The following RANBP2 variants were observed in gnomAD, a reference collection of about 807,000 sequenced individuals.
The protein encoded by RANBP2 is E3 SUMO-protein ligase RanBP2.
A neutral mutation model predicts 303.6 loss-of-function variants in RANBP2; 57 were observed. That is an observed-to-expected ratio of 0.19 (90% confidence interval 0.15 to 0.23). RANBP2 has a LOEUF of 0.23. Ranked by LOEUF, RANBP2 falls within the 10% of genes least tolerant of loss-of-function variation. The pLI, the probability that RANBP2 is intolerant of heterozygous loss-of-function variation, is 1.00. For missense variants in RANBP2, 3,138 were observed against 3,780.8 expected (o/e 0.83, Z 4.46); for synonymous variants, 1,167 against 1,301.5 (o/e 0.90, Z 2.23).
the RANBP2 span, among the ~76,000 whole-genome samples, chr2:108,836,779 C>G: frequency 3.9e-5 from 6 of 151,982 alleles, no homozygotes; most frequent in African/African-American, 1.5e-4. Flanking sequence ...TTTTTACCTC[C>G]TTGCTTAGAT....
the RANBP2 span, among the ~76,000 whole-genome samples, chr2:109,109,387 T>TA: frequency 3.0e-3 from 450 of 152,342 alleles, 2 homozygotes; most frequent in African/African-American, 0.01. Context: ...GAGACTCAGA[T>TA]ACAGTGGGAG....
At chr2:109,046,068 GC>G in the RANBP2 span, among the ~76,000 whole-genome samples, 2 of 152,196 alleles carry the variant, frequency 1.3e-5, no homozygotes, top group East Asian at 3.9e-4. Context: ...ACTTTGGGAG[GC>G]CGAGGTGGGC....
At chr2:109,609,436 T>C in the RANBP2 span, among the ~76,000 whole-genome samples, 1 of 151,738 alleles carries the variant, frequency 6.6e-6, no homozygotes, top group African/African-American at 2.4e-5. Context: ...TACAAAAACA[T>C]AAATTAGGAG....
chr2:109,312,968 A>T, the RANBP2 span, among the ~76,000 whole-genome samples: 524 of 152,258 alleles, frequency 3.4e-3, 6 homozygotes, highest in African/African-American at 0.012. Flanking sequence ...CAGCCCTTGG[A>T]TTTCACTTTT....
chr2:109,652,427 G>A, the RANBP2 span, among the ~76,000 whole-genome samples: 2,740 of 152,182 alleles, frequency 0.018, 65 homozygotes, highest in South Asian at 0.11. Context: ...GGGTTTCACT[G>A]TGTTAGCCAG....
chr2:108,858,933 A>G, the RANBP2 span, among the ~76,000 whole-genome samples: 1 of 152,164 alleles, frequency 6.6e-6, no homozygotes, highest in Non-Finnish European at 1.5e-5. Flanking sequence ...ATGGGCACCT[A>G]GGTTGATTCC....
chr2:108,784,045 CT>C lies in RANBP2; in HGVS notation c.*149del. 1 of 761,938 alleles carries C rather than the reference CT, an allele frequency of 1.3e-6. No homozygotes were observed. 47.2% of individuals were successfully genotyped at this position (761,938 alleles called of 1,614,324 possible). On this transcript the variant is annotated 3_prime_UTR_variant, in exon 29 of 29. Coordinates refer to ENST00000283195, the MANE Select transcript of RANBP2 (RefSeq NM_006267.5). Reference sequence around the variant, plus strand: ...AAATTGCAGCTTATAGCTGTTGTCACTTTTTAATGTGTTATAATTGACCTTG... The same window carrying C: ...AAATTGCAGCTTATAGCTGTTGTCACTTTTAATGTGTTATAATTGACCTTG...
the RANBP2 span, among the ~76,000 whole-genome samples, chr2:108,937,286 GCCCCTCAAAGGGGTGGGCTGTGTC>G: frequency 6.6e-6 from 1 of 152,232 alleles, no homozygotes; most frequent in African/African-American, 2.4e-5. Context: ...ACCTTTGGCA[GCCCCTCAAAGGGGTGGGCTGTGTC>G]CCTGCATTCT....
chr2:109,325,827 G>A, the RANBP2 span, among the ~76,000 whole-genome samples: 106 of 152,310 alleles, frequency 7.0e-4, 1 homozygote, highest in African/African-American at 2.4e-3. Context: ...ATGCTGGCCC[G>A]AGCAGGGACC....
At chr2:109,431,320 C>A in the RANBP2 span, among the ~76,000 whole-genome samples, 4 of 152,224 alleles carry the variant, frequency 2.6e-5, no homozygotes, top group African/African-American at 4.8e-5. Flanking sequence ...TCTTAGTGAA[C>A]TGAGGCCTCC....
At chr2:109,256,847 G>A in the RANBP2 span, among the ~76,000 whole-genome samples, 2,853 of 152,256 alleles carry the variant, frequency 0.019, 96 homozygotes, top group African/African-American at 0.065. Flanking sequence ...GGTGTCCCTT[G>A]TCTTCCATTG....
chr2:109,160,408 G>A, the RANBP2 span, among the ~76,000 whole-genome samples: 2 of 152,236 alleles, frequency 1.3e-5, no homozygotes. Context: ...AAATGGAAAT[G>A]AAGGAGCAGG....
At chr2:108,864,293 A>T in the RANBP2 span, among the ~76,000 whole-genome samples, 1 of 152,204 alleles carries the variant, frequency 6.6e-6, no homozygotes, top group African/African-American at 2.4e-5. Flanking sequence ...TTTATTTATT[A>T]AAAAAAGATT....
At chr2:109,189,936 T>C in the RANBP2 span, among the ~76,000 whole-genome samples, 7 of 152,144 alleles carry the variant, frequency 4.6e-5, no homozygotes, top group Non-Finnish European at 8.8e-5. Flanking sequence ...CTCCATGAGG[T>C]TGGATGCAAA....
the RANBP2 span, among the ~76,000 whole-genome samples, chr2:109,477,490 G>T: frequency 1.3e-5 from 2 of 152,184 alleles, no homozygotes; most frequent in African/African-American, 4.8e-5. Context: ...GCCCCCTCCC[G>T]CCAGACACAT....
the RANBP2 span, among the ~76,000 whole-genome samples, chr2:109,278,763 C>A: frequency 2.0e-5 from 3 of 152,140 alleles, no homozygotes; most frequent in African/African-American, 7.2e-5. Flanking sequence ...CCATCTGTAC[C>A]CAACTGAAAC....
the RANBP2 span, chr2:109,574,443 TAAAAAAAAAAAAA>T: frequency 4.0e-6 from 1 of 252,296 alleles, no homozygotes; most frequent in South Asian, 2.0e-4. Context: ...ACTTTATCTC[TAAAAAAAAAAAAA>T]AAAAAAAAAA....
chr2:109,294,138 AG>A, the RANBP2 span, among the ~76,000 whole-genome samples: 178 of 152,328 alleles, frequency 1.2e-3, no homozygotes, highest in African/African-American at 3.8e-3. Flanking sequence ...CCATGTAATC[AG>A]TTTACTCTGC....
At chr2:108,792,147 T>C in the RANBP2 span, among the ~76,000 whole-genome samples, 1 of 152,236 alleles carries the variant, frequency 6.6e-6, no homozygotes, top group African/African-American at 2.4e-5. Context: ...AGCAGTTTTC[T>C]GTGTATCTGG....
Sources: allele counts gnomAD v4.1 joint callset (sites outside exome capture counted in the v4.1 genomes callset), GRCh38; gene constraint gnomAD v4.1.1; transcripts MANE v1.5; gene names NCBI Gene and HGNC (gene_info 2026-07-23, HGNC 2026-07-21).